The following RARB variants were observed in gnomAD, a reference collection of about 807,000 sequenced individuals.
RARB encodes retinoic acid receptor beta.
Under a neutral mutation model 51.9 loss-of-function variants are expected in RARB, and 17 were observed. That is an observed-to-expected ratio of 0.33 (90% CI 0.22 to 0.49). The LOEUF (loss-of-function observed/expected upper bound fraction) is 0.49. Among genes scored for constraint, RARB ranks in the 20% least tolerant of loss-of-function variants. The pLI, the probability that RARB is intolerant of heterozygous loss-of-function variation, is 0.99. For synonymous variants in RARB, 215 were observed against 195.4 expected, an observed-to-expected ratio of 1.10 and a Z score of -0.84; for missense variants, 369 against 550.8, an observed-to-expected ratio of 0.67 and a Z score of 3.30.
At chr3:25,524,169 T>G (rs931738414) in intron 3 of RARB, among the ~76,000 whole-genome samples, 3 of 152,218 alleles carry the variant, frequency 2.0e-5, no homozygotes, top group Non-Finnish European at 4.4e-5. Flanking sequence ...CCACACAATG[T>G]GTGGCTGATA....
At chr3:25,340,483 G>A (rs370273598) in intron 5 of RARB, among the ~76,000 whole-genome samples, 4 of 152,242 alleles carry the variant, frequency 2.6e-5, no homozygotes, top group Non-Finnish European at 4.4e-5. Context: ...ATAGGAATGC[G>A]TATTCTTATC....
intron 5 of RARB, among the ~76,000 whole-genome samples, chr3:25,408,637 A>G (rs1387038644): frequency 6.6e-6 from 1 of 152,206 alleles, no homozygotes; most frequent in Non-Finnish European, 1.5e-5. Flanking sequence ...CAGTACTACC[A>G]GTTCTTTCTC....
chr3:25,559,460 A>G (rs1198889094), intron 3 of RARB, among the ~76,000 whole-genome samples: 1 of 152,184 alleles, frequency 6.6e-6, no homozygotes, highest in African/African-American at 2.4e-5. Context: ...GAGTCTAAGA[A>G]TGAATATCTC....
At chr3:25,115,831 A>G (rs985779726) in intron 3 of RARB, among the ~76,000 whole-genome samples, 3 of 151,880 alleles carry the variant, frequency 2.0e-5, no homozygotes, top group African/African-American at 4.8e-5. Flanking sequence ...CAGTCTTGCT[A>G]TGTTGCCGAG....
intron 2 of RARB, among the ~76,000 whole-genome samples, chr3:24,905,445 C>T (rs2125374870): frequency 6.6e-6 from 1 of 152,298 alleles, no homozygotes; most frequent in South Asian, 2.1e-4. Context: ...TTCTGTTCCA[C>T]TAACACTGGT....
rs1183699244 is a variant in RARB, at chr3:25,501,268, T to C, written c.393T>C (p.Asn131=). Residue 131 remains asparagine, a synonymous_variant, in exon 3 of 8, where the codon AAT becomes AAC. Transcript: ENST00000330688. ...GTGTTATTAATAAAGTCACCAGGAA[T>C]CGATGCCAATACTGTCGACTCCAGA... The part of the protein sequence containing the change: ...KNCVINKVTR[N]RCQYCRLQKC... 14 of 1,611,628 alleles carry C rather than the reference T, an allele frequency of 8.7e-6. No individual in the cohort carries two copies. Among genetic ancestry groups the C allele is most frequent in the Non-Finnish European group, 1.2e-5 (14 of 1,179,300 alleles).
intron 2 of RARB, among the ~76,000 whole-genome samples, chr3:24,928,412 C>A (rs1162902811): frequency 6.6e-6 from 1 of 151,970 alleles, no homozygotes; most frequent in Non-Finnish European, 1.5e-5. Flanking sequence ...CACCATCGAA[C>A]AAAGATGGAA....
chr3:25,481,060 T>C (rs1696201038), intron 2 of RARB, among the ~76,000 whole-genome samples: 1 of 152,132 alleles, frequency 6.6e-6, no homozygotes, highest in African/African-American at 2.4e-5. Context: ...CTGCCAGGTT[T>C]TTCAATATTT....
At position 25,206,877 on chromosome 3, in the gene RARB, G is replaced by C. The variant is rs149011807; in HGVS notation, c.178+32302G>C. On this transcript the variant is annotated intron_variant, in intron 5 of 11. Coordinates refer to the RARB transcript ENST00000383772. ...GACTACCTGAGTGCTAGAATCAATT[G>C]TTAGTGCCTCTCCAGTTGTCAGTCA... 8.2e-4 allele frequency among the ~76,000 whole-genome samples: 125 copies of C among 152,166 alleles called. 1 individual carries two copies. The East Asian group carries it at 0.017, about 21-fold the overall frequency.
At chr3:24,900,202 G>T (rs1326065891) in intron 2 of RARB, among the ~76,000 whole-genome samples, 2 of 152,280 alleles carry the variant, frequency 1.3e-5, no homozygotes, top group South Asian at 4.1e-4. Flanking sequence ...TGTGGTAAAT[G>T]GAAAATGTCT....
intron 2 of RARB, among the ~76,000 whole-genome samples, chr3:24,943,029 A>C (rs1055645354): frequency 6.6e-6 from 1 of 152,234 alleles, no homozygotes; most frequent in African/African-American, 2.4e-5. Context: ...ACCAGCTACC[A>C]CAATCCAAAG....
At chr3:24,918,047 CATGCT>C (rs1325402946) in intron 2 of RARB, among the ~76,000 whole-genome samples, 1 of 152,202 alleles carries the variant, frequency 6.6e-6, no homozygotes, top group Non-Finnish European at 1.5e-5. Flanking sequence ...CCACACCTAG[CATGCT>C]ATGCAAACGA....
rs76317831 is a variant in RARB at position 25,116,724 on chromosome 3, G to C, written c.-327-15437G>C. ...TACCTGGCAGTTACCTCTCACCTCT[G>C]TTTTCTCTCACACAAACCAAAGCCT... On this transcript the variant is annotated intron_variant, in intron 3 of 11. Transcript: ENST00000383772. 3.6e-3 allele frequency among the ~76,000 whole-genome samples: 546 copies of C among 152,050 alleles called. 8 individuals are homozygous for C. In the East Asian group the frequency reaches 0.048, roughly 13 times the overall value.
At chr3:25,120,881 T>C (rs1449819542) in intron 3 of RARB, among the ~76,000 whole-genome samples, 1 of 152,184 alleles carries the variant, frequency 6.6e-6, no homozygotes, top group Non-Finnish European at 1.5e-5. Context: ...CATTGACATA[T>C]TGTCTATGGC....
At chr3:25,186,277 G>C (rs1391257869) in intron 5 of RARB, among the ~76,000 whole-genome samples, 5 of 152,006 alleles carry the variant, frequency 3.3e-5, no homozygotes, top group Non-Finnish European at 7.4e-5. Context: ...AAAAAATTAA[G>C]AATTATGGCT....
chr3:25,594,458 A>T (rs963668155), intron 6 of RARB, 62 bp from the exon 7 acceptor site: 2 of 1,482,030 alleles, frequency 1.3e-6, no homozygotes, highest in Admixed American at 4.5e-5. Flanking sequence ...ATAAGGAAAC[A>T]AGGAAGAGGG....
At chr3:25,569,715 C>T (rs1374368157) in intron 3 of RARB, 43 bp from the exon 4 acceptor site, 3 of 1,590,402 alleles carry the variant, frequency 1.9e-6, no homozygotes, top group African/African-American at 2.7e-5. Context: ...AGCACAGGCC[C>T]AGCCTTCAGC....
intron 5 of RARB, among the ~76,000 whole-genome samples, chr3:25,367,110 A>G (rs894439197): frequency 6.6e-6 from 1 of 152,176 alleles, no homozygotes; most frequent in Non-Finnish European, 1.5e-5. Flanking sequence ...CTAGAGATCT[A>G]AAAAAGATTC....
At chr3:25,139,617 G>T (rs1424399491) in intron 4 of RARB, among the ~76,000 whole-genome samples, 1 of 152,166 alleles carries the variant, frequency 6.6e-6, no homozygotes, top group African/African-American at 2.4e-5. Context: ...AGTTCAAGGT[G>T]AAGCAGCAAG....
Sources: gnomAD v4.1 joint callset for allele counts (sites outside exome capture counted in the v4.1 genomes callset) on GRCh38, gnomAD v4.1.1 for gene constraint, MANE v1.5 for transcripts, NCBI Gene and HGNC (gene_info 2026-07-23, HGNC 2026-07-21) for gene names.